The following ARHGEF10L variants were observed in gnomAD, a reference collection of about 807,000 sequenced individuals.
ARHGEF10L encodes the protein Rho guanine nucleotide exchange factor 10 like, also known as rho guanine nucleotide exchange factor 10-like protein.
In ARHGEF10L, 69 loss-of-function variants were observed where a neutral mutation model predicts 141.2. That is an observed-to-expected ratio of 0.49 (90% confidence interval 0.40 to 0.60). The LOEUF (loss-of-function observed/expected upper bound fraction) is 0.60. ARHGEF10L is among the 20% of genes least tolerant of loss of function. The pLI, the probability that ARHGEF10L is intolerant of heterozygous loss-of-function variation, is 0.00. For synonymous variants in ARHGEF10L, 711 were observed against 718.5 expected, an observed-to-expected ratio of 0.99 and a Z score of 0.17; for missense variants, 1,482 against 1,734.3, an observed-to-expected ratio of 0.85 and a Z score of 2.58.
At chr1:17,561,743 C>T (rs1259660801) in intron 1 of ARHGEF10L, among the ~76,000 whole-genome samples, 1 of 152,220 alleles carries the variant, frequency 6.6e-6, no homozygotes, top group Non-Finnish European at 1.5e-5. Flanking sequence ...CTGGCCCTTC[C>T]ACTTTTTGTT....
At chr1:17,682,436 GGTTTCCCTTGCA>G (rs2064198599) in intron 26 of ARHGEF10L, among the ~76,000 whole-genome samples, 1 of 152,188 alleles carries the variant, frequency 6.6e-6, no homozygotes, top group South Asian at 2.1e-4. Context: ...AGGAAGTTGA[GGTTTCCCTTGCA>G]GATCATTTTG....
rs1491304309 is a variant in ARHGEF10L at position 17,583,058 on chromosome 1, T to TG, written c.37+2427dup. On this transcript the variant is annotated intron_variant, in intron 2 of 28. Coordinates refer to ENST00000361221, the MANE Select transcript of ARHGEF10L (RefSeq NM_018125.4). The stretch of plus-strand genomic sequence containing the variant: ...AGTGGAACCCTGTCTCTACAAAAAA[T>TG]GAAAAAAAAAAAAAATAGCTGGGCA... Among the ~76,000 whole-genome samples, 7 of 75,438 alleles carry TG rather than the reference T, an allele frequency of 9.3e-5. No homozygotes were observed. In the Admixed American group the frequency reaches 1.0e-3, roughly 11 times the overall value. 49.5% of individuals were successfully genotyped at this position (75,438 alleles called of 152,430 possible). A position where few individuals can be genotyped will look rare whatever the true frequency, so the allele number is the denominator to read the frequency against.
At chr1:17,593,545 G>T (rs1429110706) in intron 4 of ARHGEF10L, among the ~76,000 whole-genome samples, 1 of 152,152 alleles carries the variant, frequency 6.6e-6, no homozygotes, top group East Asian at 1.9e-4. Flanking sequence ...CACGCTCCTG[G>T]CCTTGGAAAT....
chr1:17,619,477 G>T lies in ARHGEF10L; in HGVS notation c.942+32G>T. 1 of 1,511,544 alleles carries T rather than the reference G, an allele frequency of 6.6e-7. No homozygotes were observed. 93.6% of individuals were successfully genotyped at this position (1,511,544 alleles called of 1,614,324 possible). ...GGGGGAGTGGGGCAGGTGGGGGTCT[G>T]CAGGGGAAGGGGTGGCTTGGGGGTT... On this transcript the variant is annotated intron_variant, in intron 10 of 28. Coordinates refer to ENST00000361221, the MANE Select transcript of ARHGEF10L (RefSeq NM_018125.4). This position sits in a 1 kb window ranked among gnomAD's most constrained non-coding sequence, Gnocchi z 5.0.
At chr1:17,657,178 C>T (rs1367695264) in intron 25 of ARHGEF10L, among the ~76,000 whole-genome samples, 1 of 152,206 alleles carries the variant, frequency 6.6e-6, no homozygotes, top group Non-Finnish European at 1.5e-5. Context: ...GTATTTCCAT[C>T]TGGGTTGTTT....
At chr1:17,533,774 C>G in the ARHGEF10L span, among the ~76,000 whole-genome samples, 1 of 152,172 alleles carries the variant, frequency 6.6e-6, no homozygotes, top group East Asian at 1.9e-4. Flanking sequence ...GAGACCGACT[C>G]TATCATCCTT....
At chr1:17,572,124 G>T (rs889693012) in intron 1 of ARHGEF10L, among the ~76,000 whole-genome samples, 2 of 152,198 alleles carry the variant, frequency 1.3e-5, no homozygotes, top group Admixed American at 1.3e-4. Flanking sequence ...CCAGCTGTGC[G>T]CAACCATCTC....
chr1:17,692,078 C>T (rs2065147558), intron 27 of ARHGEF10L, among the ~76,000 whole-genome samples: 1 of 152,216 alleles, frequency 6.6e-6, no homozygotes, highest in Admixed American at 6.5e-5. Flanking sequence ...CCATGTTGGC[C>T]AACTCCAGGA....
At chr1:17,554,214 G>A (rs534400940) in intron 1 of ARHGEF10L, among the ~76,000 whole-genome samples, 1 of 152,180 alleles carries the variant, frequency 6.6e-6, no homozygotes, top group Non-Finnish European at 1.5e-5. Flanking sequence ...AACACTAAAT[G>A]GGTGAGTCAC....
At chr1:17,632,273 G>C in intron 15 of ARHGEF10L, 48 bp from the exon 16 acceptor site, 3 of 1,605,858 alleles carry the variant, frequency 1.9e-6, no homozygotes, top group Non-Finnish European at 2.5e-6. Context: ...GCGCGGTAAA[G>C]CCGCCGGGCC....
intron 26 of ARHGEF10L, among the ~76,000 whole-genome samples, chr1:17,678,896 A>G (rs965652338): frequency 2.6e-5 from 4 of 152,174 alleles, no homozygotes; most frequent in Admixed American, 2.6e-4. Flanking sequence ...GGAATTGTTA[A>G]CTTTTTCGGA....
rs144252836 is a variant in ARHGEF10L, at chr1:17,696,999, C to A, written c.3459C>A (p.His1153Gln). Reference protein sequence around the residue: ...AEEDKPDGQAHEPMPDSHVGR... With the variant: ...AEEDKPDGQAQEPMPDSHVGR... Reference sequence around the variant, plus strand: ...AGGACAAGCCAGACGGGCAGGCACACGAGCCCATGCCCGATAGCCACGTGG... The same window carrying A: ...AGGACAAGCCAGACGGGCAGGCACAAGAGCCCATGCCCGATAGCCACGTGG... Residue 1153 changes from histidine (H) to glutamine (Q), a missense_variant, in exon 29 of 29, where the codon CAC (histidine) becomes CAA (glutamine). Around this residue, in one of 3 missense-constraint regions of ARHGEF10L, gnomAD observed 858 missense variants for 966.3 expected, o/e 0.89. Transcript: ENST00000361221. 1.7e-4 allele frequency: 272 copies of A among 1,609,246 alleles called. No individual in the cohort carries two copies. Among genetic ancestry groups the A allele is most frequent in the Non-Finnish European group, 2.2e-4 (254 of 1,177,970 alleles).
rs181985041 is a variant in ARHGEF10L at position 17,613,958 on chromosome 1, C to T, written c.726+784C>T. ...TCAACGATCAGGCCTCTTGGGTGTA[C>T]GGTGCTGTGCTGGGTCTAGAAGCTC... On this transcript the variant is annotated intron_variant, in intron 8 of 28. Coordinates refer to ENST00000361221, the MANE Select transcript of ARHGEF10L (RefSeq NM_018125.4). Among the ~76,000 whole-genome samples the T allele has an allele frequency of 3.1e-3, 466 of 152,330 alleles. 1 individual carries two copies. The highest frequency in any genetic ancestry group is 6.8e-3 in the Middle Eastern group (2 of 294).
chr1:17,665,404 C>A (rs2062911841), intron 26 of ARHGEF10L, among the ~76,000 whole-genome samples: 1 of 152,070 alleles, frequency 6.6e-6, no homozygotes, highest in South Asian at 2.1e-4. Flanking sequence ...CAGGGCTGGG[C>A]TCCAGATGAC....
At position 17,656,598 on chromosome 1, in the gene ARHGEF10L, T is replaced by G. The variant is rs772221213; in HGVS notation, c.2750T>G (p.Val917Gly). 10 of 1,613,006 alleles carry G rather than the reference T, an allele frequency of 6.2e-6. No homozygotes were observed. The highest frequency in any genetic ancestry group is 8.5e-6 in the Non-Finnish European group (10 of 1,179,872). The change falls in exon 25 of 29, where the codon GTG (valine) becomes GGG (glycine). Residue 917 changes from valine (V) to glycine (G), a missense_variant. Physicochemically the swap from Val to Gly is moderately radical, Grantham distance 109 (BLOSUM62 -3). Coordinates refer to ENST00000361221, the MANE Select transcript of ARHGEF10L (RefSeq NM_018125.4). The surrounding 1 kb of genome is among the most constrained non-coding windows in gnomAD (Gnocchi z 4.9). ...SSVDTGTQCL[V>G]SCRSPGLQPV... is the part of the protein sequence containing the mutation. The stretch of plus-strand genomic sequence containing the variant: ...GTGGACACTGGCACCCAGTGCCTGG[T>G]GAGCTGCAGGAGCCCAGGTCTGCAG...
intron 4 of ARHGEF10L, among the ~76,000 whole-genome samples, chr1:17,597,077 G>T (rs1464569758): frequency 6.6e-6 from 1 of 152,118 alleles, no homozygotes; most frequent in African/African-American, 2.4e-5. Context: ...CTGCTTGGGG[G>T]TGCTGGGAGG....
At chr1:17,608,532 C>A (rs1034457691) in intron 7 of ARHGEF10L, among the ~76,000 whole-genome samples, 1 of 152,192 alleles carries the variant, frequency 6.6e-6, no homozygotes, top group African/African-American at 2.4e-5. Context: ...ATTCAGCTTT[C>A]CTCGTGTTTC....
intron 26 of ARHGEF10L, among the ~76,000 whole-genome samples, chr1:17,679,958 G>T (rs1240747559): frequency 1.3e-5 from 2 of 152,186 alleles, no homozygotes; most frequent in African/African-American, 4.8e-5. Context: ...GGGTGGCACA[G>T]CCCCTTCATG....
At chr1:17,675,835 T>G (rs763126079) in intron 26 of ARHGEF10L, among the ~76,000 whole-genome samples, 14 of 116,370 alleles carry the variant, frequency 1.2e-4, no homozygotes, top group East Asian at 5.9e-4. Flanking sequence ...TACAGGTGTG[T>G]GTTCAGGTGT....
Sources: gnomAD v4.1 joint callset for allele counts (sites outside exome capture counted in the v4.1 genomes callset) on GRCh38, gnomAD v4.1.1 for gene constraint, gnomAD v4.1.1 regional missense constraint, Gnocchi (gnomAD v3.1) non-coding constraint, MANE v1.5 for transcripts, NCBI Gene and HGNC (gene_info 2026-07-23, HGNC 2026-07-21) for gene names.